CYRIB: variants seen among roughly 807,000 people sequenced by gnomAD.
The protein encoded by CYRIB is CYFIP-related Rac1 interactor B.
CYRIB carries 8 observed loss-of-function variants against 44.2 expected under a neutral mutation model. The observed-to-expected ratio is 0.18, with a 90% CI of 0.11 to 0.33. The LOEUF (loss-of-function observed/expected upper bound fraction) is 0.33, where lower values mean the gene tolerates loss of function less well. CYRIB is among the 10% of genes least tolerant of loss of function. The probability of loss-of-function intolerance (pLI) is 1.00; values close to 1 mark genes in which losing one functional copy is unlikely to be tolerated. For missense variants in CYRIB, 185 were observed against 382.8 expected, an observed-to-expected ratio of 0.48 and a Z score of 4.31; for synonymous variants, 131 against 127.2, an observed-to-expected ratio of 1.03 and a Z score of -0.20.
rs916230242 is a variant in CYRIB at position 129,918,184 on chromosome 8, T to C, written c.-49-14834A>G. 4.6e-5 allele frequency among the ~76,000 whole-genome samples: 7 copies of C among 152,250 alleles called. No homozygotes were observed. In the East Asian group the frequency reaches 9.6e-4, roughly 21 times the overall value. On this transcript the variant is annotated intron_variant, in intron 1 of 11. Coordinates refer to ENST00000519824, the Ensembl canonical transcript of CYRIB. Reference sequence around the variant, plus strand: ...TATTCACCAAGCCTACGGTACACCATGGTATTTGTTTTTTTAAGAAGCCAC... The same window carrying C: ...TATTCACCAAGCCTACGGTACACCACGGTATTTGTTTTTTTAAGAAGCCAC...
intron 6 of CYRIB, 50 bp from the exon 9 acceptor site, chr8:129,854,393 T>TA (rs753595226): frequency 2.3e-6 from 3 of 1,315,448 alleles, no homozygotes; most frequent in South Asian, 1.3e-5. Context: ...AATGCTAATG[T>TA]AAAAAAACTA....
rs144858854 is a variant in CYRIB, at chr8:129,934,010, T to C, written c.-50+5598A>G. On this transcript the variant is annotated intron_variant, in intron 1 of 11. Coordinates refer to ENST00000519824, the Ensembl canonical transcript of CYRIB. Reference sequence around the variant, plus strand: ...TCAGAAAGGGCTGTATGTATAAAAGTGTACTAGTACCTTTGGGGCCCCACA... The same window carrying C: ...TCAGAAAGGGCTGTATGTATAAAAGCGTACTAGTACCTTTGGGGCCCCACA... Among the ~76,000 whole-genome samples the C allele has an allele frequency of 4.6e-4, 70 of 152,242 alleles. No individual in the cohort carries two copies. In the South Asian group the frequency reaches 0.01, roughly 22 times the overall value.
intron 2 of CYRIB, among the ~76,000 whole-genome samples, chr8:129,956,432 G>A (rs985732187): frequency 2.0e-5 from 3 of 151,978 alleles, no homozygotes; most frequent in South Asian, 2.1e-4. Flanking sequence ...CTTAGGCTTG[G>A]GATTTTAAAA....
At chr8:129,955,428 AG>A (rs2094760671) in intron 2 of CYRIB, among the ~76,000 whole-genome samples, 1 of 152,098 alleles carries the variant, frequency 6.6e-6, no homozygotes, top group South Asian at 2.1e-4. Flanking sequence ...CACCTCTGCT[AG>A]GAACACCTTC....
At chr8:129,904,142 TA>T (rs1359772369) in intron 1 of CYRIB, among the ~76,000 whole-genome samples, 2 of 152,164 alleles carry the variant, frequency 1.3e-5, no homozygotes, top group African/African-American at 4.8e-5. Flanking sequence ...AAGAAGCAAA[TA>T]AAGACATTAA....
chr8:129,951,111 C>G (rs1026899039), intron 2 of CYRIB, among the ~76,000 whole-genome samples: 3 of 152,114 alleles, frequency 2.0e-5, no homozygotes, highest in Non-Finnish European at 4.4e-5. Flanking sequence ...TGAGACCAGC[C>G]TGGCCAACAT....
intron 2 of CYRIB, among the ~76,000 whole-genome samples, chr8:129,900,306 C>T (rs1219516057): frequency 3.9e-5 from 6 of 152,124 alleles, no homozygotes; most frequent in African/African-American, 1.2e-4. Context: ...TTAAGTACCA[C>T]CACAACAAAG....
chr8:129,845,778 T>G (rs1177943805), intron 11 of CYRIB, among the ~76,000 whole-genome samples: 2 of 152,198 alleles, frequency 1.3e-5, no homozygotes, highest in African/African-American at 4.8e-5. Flanking sequence ...GGACATCATC[T>G]TTTATGTCAT....
At chr8:129,938,960 T>G (rs1245853632) in intron 1 of CYRIB, among the ~76,000 whole-genome samples, 1 of 152,174 alleles carries the variant, frequency 6.6e-6, no homozygotes, top group African/African-American at 2.4e-5. Context: ...GGAAACACAC[T>G]AAGACCACAC....
intron 2 of CYRIB, among the ~76,000 whole-genome samples, chr8:129,952,073 T>C (rs1412789555): frequency 6.6e-6 from 1 of 152,252 alleles, no homozygotes; most frequent in Non-Finnish European, 1.5e-5. Flanking sequence ...GAGACAGAGC[T>C]TCGCTCTTGT....
intron 1 of CYRIB, among the ~76,000 whole-genome samples, chr8:130,006,614 A>ATATATATATATATATATATATGTGTG (rs1486190434): frequency 6.0e-5 from 1 of 16,602 alleles, no homozygotes; most frequent in Non-Finnish European, 3.0e-4. Flanking sequence ...ATACATATAT[A>ATATATATATATATATATATATGTGTG]TGTGTATATA....
intron 1 of CYRIB, among the ~76,000 whole-genome samples, chr8:129,932,531 G>C (rs1213496194): frequency 6.6e-6 from 1 of 152,144 alleles, no homozygotes; most frequent in Admixed American, 6.5e-5. Flanking sequence ...TCATCCTGTA[G>C]ACTGAGGCTC....
intron 5 of CYRIB, among the ~76,000 whole-genome samples, chr8:129,858,737 G>T (rs963451544): frequency 6.6e-6 from 1 of 151,974 alleles, no homozygotes; most frequent in Non-Finnish European, 1.5e-5. Context: ...ATGACCCTTG[G>T]AGGCAGTCCC....
intron 2 of CYRIB, among the ~76,000 whole-genome samples, chr8:129,947,408 C>T (rs2094223577): frequency 6.6e-6 from 1 of 152,020 alleles, no homozygotes; most frequent in African/African-American, 2.4e-5. Flanking sequence ...CTAAAAAAAC[C>T]CCAAAGAAAT....
At chr8:129,901,218 T>A (rs2071615975) in intron 2 of CYRIB, among the ~76,000 whole-genome samples, 1 of 152,040 alleles carries the variant, frequency 6.6e-6, no homozygotes, top group South Asian at 2.1e-4. Flanking sequence ...CCTACATCAT[T>A]AGGATACCTT....
At chr8:129,880,466 TA>T (rs1433842366) in intron 2 of CYRIB, 1 of 984,824 alleles carries the variant, frequency 1.0e-6, no homozygotes, top group Non-Finnish European at 1.2e-6. Flanking sequence ...AACCTAAAAA[TA>T]AAAATGGCAA....
intron 1 of CYRIB, among the ~76,000 whole-genome samples, chr8:129,999,217 G>A (rs545025795): frequency 6.6e-6 from 1 of 152,182 alleles, no homozygotes; most frequent in African/African-American, 2.4e-5. Flanking sequence ...ACACTCCTCT[G>A]AGAGAGCAGC....
chr8:129,951,119 C>T (rs1191640518), intron 2 of CYRIB, among the ~76,000 whole-genome samples: 8 of 152,114 alleles, frequency 5.3e-5, no homozygotes, highest in African/African-American at 1.9e-4. Flanking sequence ...GCCTGGCCAA[C>T]ATGGCGAGAC....
chr8:129,880,194 T>C (rs2060399920), intron 2 of CYRIB, among the ~76,000 whole-genome samples: 1 of 152,210 alleles, frequency 6.6e-6, no homozygotes, highest in Non-Finnish European at 1.5e-5. Flanking sequence ...TTTTAGCAAA[T>C]GAAAAACTAA....
Sources: gnomAD v4.1 joint callset for allele counts (sites outside exome capture counted in the v4.1 genomes callset) on GRCh38, gnomAD v4.1.1 for gene constraint, MANE v1.5 for transcripts, NCBI Gene and HGNC (gene_info 2026-07-23, HGNC 2026-07-21) for gene names.